The following HAS3 variants were observed in gnomAD, a reference collection of about 807,000 sequenced individuals.
HAS3 encodes HA synthase 3.
A neutral mutation model predicts 50.3 loss-of-function variants in HAS3; 27 were observed. The observed-to-expected ratio is 0.54, with a 90% CI of 0.40 to 0.74. The LOEUF (loss-of-function observed/expected upper bound fraction) is 0.74, where lower values mean the gene tolerates loss of function less well. Among genes scored for constraint, HAS3 ranks in the 30% least tolerant of loss-of-function variants. The pLI is 0.00. For synonymous variants in HAS3, 339 were observed against 310.9 expected, an observed-to-expected ratio of 1.09 and a Z score of -0.95; for missense variants, 517 against 742.8, an observed-to-expected ratio of 0.70 and a Z score of 3.53.
upstream of HAS3, among the ~76,000 whole-genome samples, chr16:69,103,006 T>TGC (rs1460796073): frequency 2.0e-5 from 2 of 97,842 alleles, no homozygotes; most frequent in African/African-American, 7.9e-5. Flanking sequence ...AGTGTGCATG[T>TGC]GTGTGTGTGT....
chr16:69,113,844 A>G (rs1457819985), intron 3 of HAS3, among the ~76,000 whole-genome samples: 3 of 152,198 alleles, frequency 2.0e-5, no homozygotes, highest in Non-Finnish European at 2.9e-5. Flanking sequence ...TGGTACAGCA[A>G]GTAGCTCCAA....
chr16:69,096,343 C>T, the HAS3 span, among the ~76,000 whole-genome samples: 4 of 151,142 alleles, frequency 2.6e-5, no homozygotes, highest in African/African-American at 9.7e-5. Context: ...CCAGTCTGGC[C>T]AATGTGGTGA....
Position 69,109,251 on chromosome 16 carries a change from T to G in HAS3, c.1-145T>G. 3 of 782,824 alleles carry G rather than the reference T, an allele frequency of 3.8e-6. No homozygotes were observed. The highest frequency in any genetic ancestry group is 6.0e-6 in the Non-Finnish European group (3 of 502,686). The allele number at this position is 782,824 out of a possible 1,614,324, so 48.5% of individuals were successfully genotyped here. A position where few individuals can be genotyped will look rare whatever the true frequency, so the allele number is the denominator to read the frequency against. On this transcript the variant is annotated intron_variant, in intron 1 of 3. Coordinates refer to ENST00000569188, the MANE Select transcript of HAS3 (RefSeq NM_001199280.2). The surrounding 1 kb of genome is among the most constrained non-coding windows in gnomAD (Gnocchi z 5.3). ...ATCTGAACCCCAGTAGTCTGGCTTC[T>G]GAGTCTACCAAGTCTTATGCTCAGT...
At chr16:69,092,971 A>C in the HAS3 span, among the ~76,000 whole-genome samples, 1 of 152,176 alleles carries the variant, frequency 6.6e-6, no homozygotes, top group South Asian at 2.1e-4. Flanking sequence ...GCTTTGGTAA[A>C]TTGCTTATGG....
chr16:69,107,818 C>G lies in HAS3; in HGVS notation c.1-1578C>G. 1.7e-6 allele frequency: 1 copy of G among 600,136 alleles called. No homozygotes were observed. Among genetic ancestry groups the G allele is most frequent in the Non-Finnish European group, 2.1e-6 (1 of 477,334 alleles). The allele number at this position is 600,136 out of a possible 1,614,324, so 37.2% of individuals were successfully genotyped here. A position where few individuals can be genotyped will look rare whatever the true frequency, so the allele number is the denominator to read the frequency against. ...GGCTGGGAGTCCTGTGAAGGAAGCA[C>G]ACGGCGGGCTCCCCGGGACGGTGGG... On this transcript the variant is annotated intron_variant, in intron 1 of 3. Coordinates refer to ENST00000569188, the MANE Select transcript of HAS3 (RefSeq NM_001199280.2). This position sits in a 1 kb window ranked among gnomAD's most constrained non-coding sequence, Gnocchi z 5.5.
At chr16:69,111,681 CTCAG>C (rs1005097844) in intron 2 of HAS3, among the ~76,000 whole-genome samples, 12 of 152,344 alleles carry the variant, frequency 7.9e-5, no homozygotes, top group African/African-American at 2.4e-4. Context: ...CCAGGACCTC[CTCAG>C]TCATGGAGGG....
At chr16:69,112,415 C>G (rs892044350) in intron 2 of HAS3, among the ~76,000 whole-genome samples, 4 of 152,198 alleles carry the variant, frequency 2.6e-5, no homozygotes, top group African/African-American at 9.7e-5. Context: ...CCTTAGCCTT[C>G]TACTGCTTAT....
chr16:69,092,857 C>T, the HAS3 span, among the ~76,000 whole-genome samples: 2 of 152,160 alleles, frequency 1.3e-5, no homozygotes, highest in Non-Finnish European at 2.9e-5. Context: ...CAACCTCAGA[C>T]ACCAAAATTT....
chr16:69,112,474 G>A (rs1335584308), intron 2 of HAS3, among the ~76,000 whole-genome samples: 1 of 152,200 alleles, frequency 6.6e-6, no homozygotes, highest in African/African-American at 2.4e-5. Context: ...TGGGGTTGTG[G>A]TGTCAGAGGC....
Position 69,117,554 on chromosome 16 carries a change from T to TAAAC in HAS3, c.*2290_*2293dup, listed in dbSNP as rs1265929322. ...TTTGTATTGTTTCTACAATAATTTG[T>TAAAC]AAACATATTTATTTTTACCTGCTTT... On this transcript the variant is annotated 3_prime_UTR_variant, in exon 4 of 4. Coordinates refer to ENST00000569188, the MANE Select transcript of HAS3 (RefSeq NM_001199280.2). 8 of 908,366 alleles carry TAAAC rather than the reference T, an allele frequency of 8.8e-6. No individual in the cohort carries two copies. The highest frequency in any genetic ancestry group is 1.8e-5 in the African/African-American group (1 of 54,668). 56.3% of individuals were successfully genotyped at this position (908,366 alleles called of 1,614,324 possible). A position where few individuals can be genotyped will look rare whatever the true frequency, so the allele number is the denominator to read the frequency against.
Position 69,117,578 on chromosome 16 carries a change from T to A in HAS3, c.*2312T>A. On this transcript the variant is annotated 3_prime_UTR_variant, in exon 4 of 4. Transcript: ENST00000569188. ...GTAAACATATTTATTTTTACCTGCT[T>A]TTTTTTTTTTTTTTAATTTTCAGGT... is the stretch of plus-strand genomic sequence containing the variant. 5.8e-6 allele frequency: 1 copy of A among 171,672 alleles called. No homozygotes were observed. The highest frequency in any genetic ancestry group is 7.2e-6 in the Non-Finnish European group (1 of 138,424). 10.6% of individuals were successfully genotyped at this position (171,672 alleles called of 1,614,324 possible).
At chr16:69,111,168 T>C in intron 2 of HAS3, among the ~76,000 whole-genome samples, 1 of 122,328 alleles carries the variant, frequency 8.2e-6, no homozygotes, top group East Asian at 2.3e-4. Flanking sequence ...TTTTTTTTTT[T>C]TTTTTTTTTT....
chr16:69,087,846 G>A, the HAS3 span, among the ~76,000 whole-genome samples: 1 of 151,232 alleles, frequency 6.6e-6, no homozygotes, highest in Non-Finnish European at 1.5e-5. Context: ...GGGATTACAG[G>A]CATCTGCCAC....
upstream of HAS3, among the ~76,000 whole-genome samples, chr16:69,103,624 C>T (rs1222288978): frequency 5.9e-5 from 9 of 151,820 alleles, no homozygotes; most frequent in Admixed American, 5.3e-4. Context: ...CTCAAACTCC[C>T]GACCTCAGGT....
At chr16:69,104,992 GTTTTTTTT>G (rs565397720), upstream of HAS3, among the ~76,000 whole-genome samples, 33 of 81,980 alleles carry the variant, frequency 4.0e-4, no homozygotes, top group Middle Eastern at 0.011. Context: ...CTGTTTTTTG[GTTTTTTTT>G]TTTTTTTTTT....
At chr16:69,083,502 C>T in the HAS3 span, 1 of 1,611,866 alleles carries the variant, frequency 6.2e-7, no homozygotes, top group South Asian at 1.1e-5. Flanking sequence ...GCGCCGTCCT[C>T]AAGGATCTCT....
At chr16:69,100,651 G>A in the HAS3 span, among the ~76,000 whole-genome samples, 2 of 152,214 alleles carry the variant, frequency 1.3e-5, no homozygotes, top group African/African-American at 4.8e-5. Flanking sequence ...ACCGTGGGAC[G>A]ATGGAGCACC....
intron 1 of HAS3, among the ~76,000 whole-genome samples, chr16:69,108,701 C>T (rs1026766316): frequency 6.6e-6 from 1 of 152,194 alleles, no homozygotes; most frequent in Non-Finnish European, 1.5e-5. Flanking sequence ...ATTTCCTGGT[C>T]TGCCTCTCCC....
chr16:69,099,708 C>T, the HAS3 span, among the ~76,000 whole-genome samples: 1 of 152,224 alleles, frequency 6.6e-6, no homozygotes, highest in Non-Finnish European at 1.5e-5. Context: ...CGTTACTTAA[C>T]ACTGCATCGT....
Sources: gnomAD v4.1 joint callset for allele counts (sites outside exome capture counted in the v4.1 genomes callset) on GRCh38, gnomAD v4.1.1 for gene constraint, Gnocchi (gnomAD v3.1) non-coding constraint, MANE v1.5 for transcripts, NCBI Gene and HGNC (gene_info 2026-07-23, HGNC 2026-07-21) for gene names.